Variants in PITPNA observed in about 807,000 individuals in gnomAD.
PITPNA encodes phosphatidylinositol transfer protein alpha isoform.
Under a neutral mutation model 50.3 loss-of-function variants are expected in PITPNA, and 13 were observed. That is an observed-to-expected ratio of 0.26 (90% CI 0.17 to 0.41). The LOEUF is 0.41. Among genes scored for constraint, PITPNA ranks in the 10% least tolerant of loss-of-function variants. The pLI is 1.00. For synonymous variants in PITPNA, 120 were observed against 119.6 expected (o/e 1.00, Z -0.02); for missense variants, 207 against 333.4 (o/e 0.62, Z 2.95).
rs998931647 is a variant in PITPNA at position 1,562,372 on chromosome 17, G to T, written c.20+169C>A. 3.4e-5 allele frequency among the ~76,000 whole-genome samples: 4 copies of T among 119,308 alleles called. No individual in the cohort carries two copies. Among genetic ancestry groups the T allele is most frequent in the African/African-American group, 1.3e-4 (4 of 30,740 alleles). The allele number at this position is 119,308 out of a possible 152,430, so 78.3% of individuals were successfully genotyped here. Reference sequence around the variant, plus strand: ...CCGTGCCCCGTGGGCCCCGCCTCACGTGCCGCCCGCCCCGGATCCCCTCCA... The same window carrying T: ...CCGTGCCCCGTGGGCCCCGCCTCACTTGCCGCCCGCCCCGGATCCCCTCCA... On this transcript the variant is annotated intron_variant, in intron 1 of 11. Coordinates refer to ENST00000313486, the MANE Select transcript of PITPNA (RefSeq NM_006224.4). This position sits in a 1 kb window ranked among gnomAD's most constrained non-coding sequence, Gnocchi z 6.4.
intron 2 of PITPNA, among the ~76,000 whole-genome samples, chr17:1,554,397 T>A (rs2075725118): frequency 7.2e-6 from 1 of 138,190 alleles, no homozygotes; most frequent in Non-Finnish European, 1.6e-5. Flanking sequence ...TCTATTTTTT[T>A]TTTTTTTTTT....
intron 10 of PITPNA, among the ~76,000 whole-genome samples, chr17:1,524,449 A>T (rs1040895679): frequency 1.3e-5 from 2 of 149,578 alleles, no homozygotes; most frequent in African/African-American, 5.0e-5. Context: ...TTGTAGAGAG[A>T]GAGTTTTGCC....
chr17:1,531,122 G>C (rs1234053494), intron 10 of PITPNA, among the ~76,000 whole-genome samples: 3 of 152,132 alleles, frequency 2.0e-5, no homozygotes, highest in African/African-American at 7.2e-5. Context: ...GTGCTGCTAG[G>C]GGGAAGGTGG....
At position 1,519,640 on chromosome 17, in the gene PITPNA, A is replaced by C. The variant is rs2075496755; in HGVS notation, c.*921T>G. The C allele has an allele frequency of 6.5e-6, 1 of 152,738 alleles. No homozygotes were observed. The highest frequency in any genetic ancestry group is 2.4e-5 in the African/African-American group (1 of 41,470). The allele number at this position is 152,738 out of a possible 1,614,324, so 9.5% of individuals were successfully genotyped here. ...CAAAGACAGAGGACAGGGACCTAAG[A>C]AAGCACAGAGAAAAGAGGATTATTG... On this transcript the variant is annotated 3_prime_UTR_variant, in exon 12 of 12. Coordinates refer to ENST00000313486, the MANE Select transcript of PITPNA (RefSeq NM_006224.4).
At chr17:1,529,500 G>A (rs915535672) in intron 10 of PITPNA, among the ~76,000 whole-genome samples, 1 of 151,374 alleles carries the variant, frequency 6.6e-6, no homozygotes, top group Admixed American at 6.6e-5. Context: ...CCAGCCTGGC[G>A]CCACTCCACT....
chr17:1,525,135 G>A (rs1326094856), intron 10 of PITPNA, among the ~76,000 whole-genome samples: 1 of 151,326 alleles, frequency 6.6e-6, no homozygotes, highest in East Asian at 2.0e-4. Flanking sequence ...GATTACAAGT[G>A]CACACCACCA....
At chr17:1,553,539 G>C (rs557660854) in intron 2 of PITPNA, among the ~76,000 whole-genome samples, 2 of 152,202 alleles carry the variant, frequency 1.3e-5, no homozygotes, top group East Asian at 1.9e-4. Context: ...ACCGTTCCCA[G>C]TCAATCCATC....
chr17:1,543,379 A>C (rs1598409627), intron 4 of PITPNA, among the ~76,000 whole-genome samples: 1 of 151,868 alleles, frequency 6.6e-6, no homozygotes, highest in African/African-American at 2.4e-5. Context: ...GGCGCCTCCC[A>C]CCCCTACCCC....
intron 6 of PITPNA, 81 bp downstream of exon 6, chr17:1,541,485 G>T: frequency 1.0e-6 from 1 of 975,782 alleles, no homozygotes; most frequent in Non-Finnish European, 1.7e-6. Flanking sequence ...ACCACAGAGA[G>T]GACCCCATGG....
chr17:1,555,338 A>C (rs1263179292), intron 2 of PITPNA, among the ~76,000 whole-genome samples: 1 of 152,174 alleles, frequency 6.6e-6, no homozygotes, highest in Non-Finnish European at 1.5e-5. Flanking sequence ...CAGTTTTGTT[A>C]ATCTAAAGGG....
In PITPNA at chr17:1,522,943, G is replaced by T. The variant is rs559190924; in HGVS notation, c.769-1298C>A. Among the ~76,000 whole-genome samples the T allele has an allele frequency of 7.9e-5, 12 of 152,318 alleles. No homozygotes were observed. In the South Asian group the frequency reaches 2.5e-3, roughly 32 times the overall value. On this transcript the variant is annotated intron_variant, in intron 10 of 11. Transcript: ENST00000313486. ...AGGGAGAAAATCCTGTGGCTCTCCG[G>T]GAGAGGAGTTCCCGGCAGAGTAACA...
At chr17:1,521,709 G>T (rs1240716861) in intron 10 of PITPNA, 64 bp from the exon 11 acceptor site, 1 of 1,390,928 alleles carries the variant, frequency 7.2e-7, no homozygotes, top group Non-Finnish European at 1.0e-6. Flanking sequence ...TGCCTTCTCA[G>T]TCCTGCCCAT....
intron 5 of PITPNA, among the ~76,000 whole-genome samples, chr17:1,542,276 G>A (rs12600384): frequency 0.25 from 38,601 of 151,810 alleles, 6,085 homozygotes; most frequent in East Asian, 0.53. Flanking sequence ...CAGAATCCAT[G>A]CATTTAGCCA....
chr17:1,529,859 G>GAA (rs576234626), intron 10 of PITPNA, among the ~76,000 whole-genome samples: 3 of 125,792 alleles, frequency 2.4e-5, no homozygotes, highest in Non-Finnish European at 1.7e-5. Context: ...TGTTTCAAAA[G>GAA]AAAAAAAAAA....
At chr17:1,550,711 G>A (rs1041936627) in intron 3 of PITPNA, among the ~76,000 whole-genome samples, 1 of 152,082 alleles carries the variant, frequency 6.6e-6, no homozygotes, top group South Asian at 2.1e-4. Context: ...GTATTTTCTG[G>A]TAGAGACAGG....
chr17:1,558,508 C>CCAGAAAGT, intron 2 of PITPNA, 21 bp downstream of exon 2: 1 of 1,557,930 alleles, frequency 6.4e-7, no homozygotes, highest in South Asian at 1.1e-5. Flanking sequence ...CAACTATGGA[C>CCAGAAAGT]CAGAAAGTAA....
intron 4 of PITPNA, among the ~76,000 whole-genome samples, chr17:1,547,196 C>CA (rs758159456): frequency 0.27 from 16,997 of 62,600 alleles, 1,676 homozygotes; most frequent in Non-Finnish European, 0.34. Context: ...CCCATCTCTC[C>CA]AAAAAAAAAA....
At chr17:1,546,088 C>T (rs1048842520) in intron 4 of PITPNA, among the ~76,000 whole-genome samples, 6 of 151,854 alleles carry the variant, frequency 4.0e-5, no homozygotes, top group South Asian at 2.1e-4. Context: ...CCACCATGCC[C>T]GGATAACTTT....
chr17:1,527,667 T>C (rs1202318673), intron 10 of PITPNA, among the ~76,000 whole-genome samples: 1 of 152,222 alleles, frequency 6.6e-6, no homozygotes, highest in African/African-American at 2.4e-5. Flanking sequence ...ATTTTTTTTC[T>C]ATCTTTTGAA....
Sources: allele counts gnomAD v4.1 joint callset (sites outside exome capture counted in the v4.1 genomes callset), GRCh38; gene constraint gnomAD v4.1.1; non-coding constraint Gnocchi (gnomAD v3.1); transcripts MANE v1.5; gene names NCBI Gene and HGNC (gene_info 2026-07-23, HGNC 2026-07-21).